The following CDAN1 variants were observed in gnomAD, a reference collection of about 807,000 sequenced individuals.
CDAN1 encodes codanin 1.
A neutral mutation model predicts 139.8 loss-of-function variants in CDAN1; 107 were observed. The observed-to-expected ratio is 0.77, with a 90% CI of 0.65 to 0.90. The LOEUF is 0.90. Ranked by LOEUF, CDAN1 falls within the 40% of genes least tolerant of loss-of-function variation. The pLI is 0.00. For missense variants in CDAN1, 1,667 were observed against 1,575.7 expected, an observed-to-expected ratio of 1.06 and a Z score of -0.98; for synonymous variants, 776 against 660.6, an observed-to-expected ratio of 1.17 and a Z score of -2.68.
intron 12 of CDAN1, 41 bp from the exon 13 acceptor site, chr15:42,731,112 C>T: frequency 6.2e-7 from 1 of 1,614,216 alleles, no homozygotes; most frequent in Non-Finnish European, 8.5e-7. Flanking sequence ...AAGCATGAGG[C>T]TTCCAGAACA....
chr15:42,725,483 A>C lies in CDAN1; in HGVS notation c.3450+6T>G, dbSNP rs1595848219. On this transcript the variant is annotated splice_donor_region_variant and intron_variant, in intron 26 of 27. Transcript: ENST00000356231. ...TGCAGAGGGCTTCTTGTTCCGTCTGACTCACCTCCCTTGGCCTTGTGTCTG... is the reference window on the plus strand; with the variant it reads ...TGCAGAGGGCTTCTTGTTCCGTCTGCCTCACCTCCCTTGGCCTTGTGTCTG... The C allele has an allele frequency of 6.2e-7, 1 of 1,613,214 alleles. No individual in the cohort carries two copies. The highest frequency in any genetic ancestry group is 8.5e-7 in the Non-Finnish European group (1 of 1,179,552).
At chr15:42,732,241 G>C (rs548235457) in intron 10 of CDAN1, 92 bp downstream of exon 10, 2 of 1,202,126 alleles carry the variant, frequency 1.7e-6, no homozygotes, top group East Asian at 4.7e-5. Context: ...GGACCTGCCA[G>C]GCTGTCTGCC....
chr15:42,733,683 A>C (rs943779592), intron 8 of CDAN1, among the ~76,000 whole-genome samples: 9 of 151,882 alleles, frequency 5.9e-5, no homozygotes, highest in Non-Finnish European at 1.2e-4. Context: ...GTGACAGTTC[A>C]TCCTGGCACA....
At chr15:42,734,779 C>CTTTT (rs11434933) in intron 6 of CDAN1, among the ~76,000 whole-genome samples, 2 of 110,496 alleles carry the variant, frequency 1.8e-5, no homozygotes, top group African/African-American at 8.2e-5. Context: ...CACACCCGGC[C>CTTTT]TTTTTTTTTT....
chr15:42,735,427 G>T, intron 4 of CDAN1, 53 bp from the exon 5 acceptor site: 1 of 1,594,982 alleles, frequency 6.3e-7, no homozygotes. Flanking sequence ...TGGAGCCAAG[G>T]CTCAGTTCCA....
At chr15:42,728,333 C>CA in intron 20 of CDAN1, 66 bp from the exon 21 acceptor site, 3 of 1,533,884 alleles carry the variant, frequency 2.0e-6, no homozygotes, top group Non-Finnish European at 2.7e-6. Context: ...AGTAAATGCC[C>CA]CGAGTGCACC....
In CDAN1 at chr15:42,724,159, T is replaced by C. The variant is rs2061492855; in HGVS notation, c.*332A>G. ...TCCAAGACTACAAAGTTTTAAGAGA[T>C]GCTGGGATAGCAAATGAGGCTTGAA... On this transcript the variant is annotated 3_prime_UTR_variant, in exon 28 of 28. Transcript: ENST00000356231. The C allele has an allele frequency of 2.8e-6, 1 of 363,128 alleles. No individual in the cohort carries two copies. The highest frequency in any genetic ancestry group is 5.3e-6 in the Non-Finnish European group (1 of 187,698). The allele number at this position is 363,128 out of a possible 1,614,324, so 22.5% of individuals were successfully genotyped here. A position where few individuals can be genotyped will look rare whatever the true frequency, so the allele number is the denominator to read the frequency against.
In CDAN1 at chr15:42,737,002, A is replaced by G; in HGVS notation, c.90+11T>C. ...TTCGAGTCAGACCTGGGGGCGTGTC[A>G]CCGCTGTTACCTCCGAACCCTGGGT... On this transcript the variant is annotated intron_variant, in intron 1 of 27. Transcript: ENST00000356231. The G allele has an allele frequency of 6.5e-7, 1 of 1,541,768 alleles. No homozygotes were observed. Among genetic ancestry groups the G allele is most frequent in the Non-Finnish European group, 8.8e-7 (1 of 1,141,786 alleles).
chr15:42,731,635 A>C lies in CDAN1; in HGVS notation c.1724T>G (p.Ile575Ser), dbSNP rs759443420. 25 of 1,614,022 alleles carry C rather than the reference A, an allele frequency of 1.5e-5. No homozygotes were observed. Reference sequence around the variant, plus strand: ...GGGAGCCTACCTGCTGGCACTAAGGATGAAGTCCCTAAAGAAGCCTTGACA... The same window carrying C: ...GGGAGCCTACCTGCTGGCACTAAGGCTGAAGTCCCTAAAGAAGCCTTGACA... ...PGCQGFFRDF[I>S]LSASSFQFNQ... Residue 575 changes from isoleucine to serine, a missense_variant, in exon 11 of 28, where the codon ATC (isoleucine) becomes AGC (serine). Ile to Ser is a moderately radical substitution (Grantham distance 142, BLOSUM62 -2). Around this residue, in one of 3 missense-constraint regions of CDAN1, gnomAD observed 936 missense variants for 844.1 expected, o/e 1.11. Coordinates refer to ENST00000356231, the MANE Select transcript of CDAN1 (RefSeq NM_138477.4).
Position 42,735,268 on chromosome 15 carries a change from A to T in CDAN1, c.1050T>A (p.Ala350=). Residue 350 remains alanine, a synonymous_variant, in exon 5 of 28, where the codon GCT becomes GCA. Transcript: ENST00000356231. ...AKDSDPELSP[A]VLDSLESPLF... ...GGAGGCTTGCTCACTGACCTAGGAC[A>T]GCTGGACTTAGTTCAGGGTCGCTGT... is the stretch of plus-strand genomic sequence containing the variant. 6.2e-7 allele frequency: 1 copy of T among 1,607,736 alleles called. No individual in the cohort carries two copies. Among genetic ancestry groups the T allele is most frequent in the South Asian group, 1.1e-5 (1 of 89,972 alleles).
intron 14 of CDAN1, 140 bp downstream of exon 14, chr15:42,730,458 C>T (rs2140483205): frequency 1.9e-6 from 2 of 1,030,996 alleles, no homozygotes; most frequent in Non-Finnish European, 3.0e-6. Flanking sequence ...GGGAGCCAAT[C>T]GTGCCTCTCC....
In CDAN1 at chr15:42,728,039, A is replaced by G. The variant is rs1226276936; in HGVS notation, c.2869-6T>C. ...TTCTCTGCACTGCTCAGAACCTGCGAAACAGAACTACAGAGTCAGGGGCTA... is the reference window on the plus strand; with the variant it reads ...TTCTCTGCACTGCTCAGAACCTGCGGAACAGAACTACAGAGTCAGGGGCTA... On this transcript the variant is annotated splice_region_variant and splice_polypyrimidine_tract_variant and intron_variant, in intron 21 of 27. Coordinates refer to ENST00000356231, the MANE Select transcript of CDAN1 (RefSeq NM_138477.4). 10 of 1,613,686 alleles carry G rather than the reference A, an allele frequency of 6.2e-6. No homozygotes were observed. Among genetic ancestry groups the G allele is most frequent in the Non-Finnish European group, 8.5e-6 (10 of 1,179,846 alleles).
At chr15:42,733,360 C>T (rs572205326) in intron 8 of CDAN1, among the ~76,000 whole-genome samples, 174 bp from the exon 9 acceptor site, 21 of 152,128 alleles carry the variant, frequency 1.4e-4, no homozygotes, top group East Asian at 7.7e-4. Context: ...CTGCAACCTC[C>T]GCCCCGCCTG....
chr15:42,735,204 G>C (rs1244598829), intron 5 of CDAN1, 26 bp from the exon 6 acceptor site: 1 of 1,604,600 alleles, frequency 6.2e-7, no homozygotes, highest in East Asian at 2.2e-5. Flanking sequence ...CAAGCTGTCA[G>C]TTAAGAACGG....
intron 23 of CDAN1, chr15:42,726,908 T>C (rs1650292970): frequency 5.6e-6 from 1 of 179,592 alleles, no homozygotes; most frequent in Non-Finnish European, 1.2e-5. Context: ...TCTCCATTTT[T>C]TAGTCATTGT....
At chr15:42,726,778 G>C in intron 23 of CDAN1, 1 of 291,982 alleles carries the variant, frequency 3.4e-6, no homozygotes, top group East Asian at 7.9e-5. Context: ...AGTATCGTCT[G>C]TCTCTCAAGC....
intron 9 of CDAN1, among the ~76,000 whole-genome samples, chr15:42,732,808 CT>C (rs539725028): frequency 1.3e-4 from 15 of 115,110 alleles, no homozygotes; most frequent in African/African-American, 2.5e-4. Context: ...TAAGCAGTGA[CT>C]TGGGCCAAAA....
In CDAN1 at chr15:42,728,726, G is replaced by T. The variant is rs993416302; in HGVS notation, c.2730C>A (p.Asp910Glu). 3 of 1,614,166 alleles carry T rather than the reference G, an allele frequency of 1.9e-6. No homozygotes were observed. Among genetic ancestry groups the T allele is most frequent in the Non-Finnish European group, 1.7e-6 (2 of 1,180,036 alleles). The change falls in exon 20 of 28, where the codon GAC becomes GAA. Residue 910 changes from aspartate to glutamate, a missense_variant. Around this residue, in one of 3 missense-constraint regions of CDAN1, gnomAD observed 936 missense variants for 844.1 expected, o/e 1.11. Transcript: ENST00000356231. ...ACAAGATCTCCAACAGCTGGGCTGG[G>T]TCTCCCCCTTCCTCTCCCTGTGTCA... Reference protein sequence around the residue: ...QLVTQGEEGGDPAQLLEILCS... With the variant: ...QLVTQGEEGGEPAQLLEILCS...
intron 14 of CDAN1, 99 bp from the exon 15 acceptor site, chr15:42,730,314 A>C: frequency 2.6e-6 from 3 of 1,153,908 alleles, no homozygotes; most frequent in South Asian, 1.2e-5. Flanking sequence ...GCAGAACTAA[A>C]AGGGACTGGG....
Sources: gnomAD v4.1 joint callset for allele counts (sites outside exome capture counted in the v4.1 genomes callset) on GRCh38, gnomAD v4.1.1 for gene constraint, gnomAD v4.1.1 regional missense constraint, MANE v1.5 for transcripts, NCBI Gene and HGNC (gene_info 2026-07-23, HGNC 2026-07-21) for gene names.